TANK: variants seen among roughly 807,000 people sequenced by gnomAD.
The protein encoded by TANK is TRAF family member-associated NF-kappa-B activator.
A neutral mutation model predicts 43.6 loss-of-function variants in TANK; 15 were observed. That is an observed-to-expected ratio of 0.34 (90% CI 0.23 to 0.53). TANK has a LOEUF of 0.53. Among genes scored for constraint, TANK ranks in the 20% least tolerant of loss-of-function variants. TANK has a pLI of 0.94. For missense variants in TANK, 417 were observed against 498.6 expected (o/e 0.84, Z 1.56); for synonymous variants, 162 against 178.2 (o/e 0.91, Z 0.73).
intron 1 of TANK, among the ~76,000 whole-genome samples, chr2:161,174,126 A>G (rs986844427): frequency 1.3e-5 from 2 of 152,178 alleles, no homozygotes; most frequent in Non-Finnish European, 2.9e-5. Context: ...TTTTTACTGT[A>G]TATATGGTCT....
chr2:161,166,818 C>CA (rs1192152424), intron 1 of TANK, among the ~76,000 whole-genome samples: 1 of 151,846 alleles, frequency 6.6e-6, no homozygotes, highest in Non-Finnish European at 1.5e-5. Context: ...AAAAACAAAA[C>CA]AAAAACACAG....
At chr2:161,150,075 G>A (rs1192416005) in intron 1 of TANK, among the ~76,000 whole-genome samples, 1 of 152,002 alleles carries the variant, frequency 6.6e-6, no homozygotes, top group Non-Finnish European at 1.5e-5. Context: ...TAAGTGCATG[G>A]TAGAATTCAC....
chr2:161,176,884 ATAGCT>A (rs565196688), intron 1 of TANK, among the ~76,000 whole-genome samples: 30 of 152,282 alleles, frequency 2.0e-4, no homozygotes, highest in African/African-American at 4.8e-4. Flanking sequence ...GCAGTGATAG[ATAGCT>A]TAGCCGCTTA....
upstream of TANK, chr2:161,160,077 T>C (rs13395640): frequency 4.5e-6 from 1 of 220,720 alleles, no homozygotes; most frequent in East Asian, 8.6e-5. Flanking sequence ...GTGATTCTTG[T>C]GTACTCTAAC....
At chr2:161,178,699 G>A (rs1013287647) in intron 1 of TANK, among the ~76,000 whole-genome samples, 1 of 152,076 alleles carries the variant, frequency 6.6e-6, no homozygotes, top group Admixed American at 6.5e-5. Context: ...AATTTAAAAA[G>A]TGTGCCTGAA....
intron 1 of TANK, among the ~76,000 whole-genome samples, chr2:161,171,866 T>G (rs922102638): frequency 6.6e-6 from 1 of 152,196 alleles, no homozygotes; most frequent in Non-Finnish European, 1.5e-5. Flanking sequence ...TATTGTCTTG[T>G]GTTTTGGGGG....
intron 4 of TANK, among the ~76,000 whole-genome samples, chr2:161,205,221 T>G (rs1448993657): frequency 6.6e-6 from 1 of 151,892 alleles, no homozygotes; most frequent in African/African-American, 2.4e-5. Flanking sequence ...AGTTACTCAG[T>G]AGGAGGATTG....
intron 6 of TANK, among the ~76,000 whole-genome samples, chr2:161,229,123 T>C (rs1437162480): frequency 1.3e-5 from 2 of 152,170 alleles, no homozygotes; most frequent in East Asian, 3.8e-4. Flanking sequence ...CAAGCCAAGA[T>C]ATGAAGGACA....
At chr2:161,148,535 A>G (rs1340804336) in intron 1 of TANK, among the ~76,000 whole-genome samples, 2 of 152,164 alleles carry the variant, frequency 1.3e-5, no homozygotes, top group Non-Finnish European at 2.9e-5. Flanking sequence ...TATTAAGTCA[A>G]ATTGGTTTGT....
chr2:161,202,830 C>G, intron 2 of TANK: 1 of 464,898 alleles, frequency 2.2e-6, no homozygotes, highest in Non-Finnish European at 4.4e-6. Context: ...TCAGTACAAA[C>G]TTGTGTCTTT....
intron 1 of TANK, among the ~76,000 whole-genome samples, chr2:161,177,054 T>A (rs1340470539): frequency 6.6e-6 from 1 of 152,174 alleles, no homozygotes; most frequent in Middle Eastern, 3.2e-3. Context: ...AATGAAGCAG[T>A]GTCTAAAATA....
chr2:161,199,455 T>C (rs1686306864), intron 2 of TANK, among the ~76,000 whole-genome samples: 1 of 152,148 alleles, frequency 6.6e-6, no homozygotes, highest in South Asian at 2.1e-4. Context: ...AAAAAAATGT[T>C]CAATACCAGC....
chr2:161,230,462 T>G (rs1281162271), intron 6 of TANK, among the ~76,000 whole-genome samples: 1 of 152,232 alleles, frequency 6.6e-6, no homozygotes, highest in African/African-American at 2.4e-5. Context: ...TTTTCCCAAC[T>G]CCTGCAACCA....
chr2:161,177,373 T>C (rs1462751357), intron 1 of TANK, among the ~76,000 whole-genome samples: 1 of 152,074 alleles, frequency 6.6e-6, no homozygotes, highest in Non-Finnish European at 1.5e-5. Flanking sequence ...CATGTGGGTA[T>C]TAAAAAAAAG....
chr2:161,212,744 A>G (rs1436046535), intron 4 of TANK: 1 of 985,278 alleles, frequency 1.0e-6, no homozygotes. Context: ...ATAAGAGTCT[A>G]TCCAGCCCTG....
chr2:161,142,910 T>G (rs897761881), intron 1 of TANK, among the ~76,000 whole-genome samples: 1 of 152,188 alleles, frequency 6.6e-6, no homozygotes, highest in African/African-American at 2.4e-5. Context: ...TAAATTACTT[T>G]AGGCGGTATG....
intron 4 of TANK, among the ~76,000 whole-genome samples, chr2:161,206,818 A>G (rs1686674737): frequency 6.6e-6 from 1 of 152,150 alleles, no homozygotes; most frequent in Non-Finnish European, 1.5e-5. Context: ...TAGTGCTTAA[A>G]TAAACAATAT....
At chr2:161,225,555 A>G (rs1176088783) in intron 6 of TANK, among the ~76,000 whole-genome samples, 1 of 152,212 alleles carries the variant, frequency 6.6e-6, no homozygotes, top group African/African-American at 2.4e-5. Flanking sequence ...TTCTATATGA[A>G]TAGCAAAATC....
intron 1 of TANK, chr2:161,179,395 C>A: frequency 2.5e-6 from 1 of 408,034 alleles, no homozygotes; most frequent in Non-Finnish European, 4.3e-6. Flanking sequence ...TGAACCGGAA[C>A]CCCACTTGCT....
Sources: gnomAD v4.1 joint callset for allele counts (sites outside exome capture counted in the v4.1 genomes callset) on GRCh38, gnomAD v4.1.1 for gene constraint, MANE v1.5 for transcripts, NCBI Gene and HGNC (gene_info 2026-07-23, HGNC 2026-07-21) for gene names.